The following KCNQ5 variants were observed in gnomAD, a reference collection of about 807,000 sequenced individuals.
The protein encoded by KCNQ5 is potassium voltage-gated channel subfamily Q member 5, also known as potassium voltage-gated channel subfamily KQT member 5.
KCNQ5 carries 30 observed loss-of-function variants against 98.2 expected under a neutral mutation model. The ratio of observed to expected loss-of-function variants is 0.31; its 90% CI spans 0.23 to 0.41. KCNQ5 has a LOEUF of 0.41. KCNQ5 is among the 10% of genes least tolerant of loss of function. The pLI is 1.00. For synonymous variants in KCNQ5, 458 were observed against 449.4 expected (o/e 1.02, Z -0.24); for missense variants, 835 against 1,182.5 (o/e 0.71, Z 4.31).
chr6:73,100,582 T>C (rs1451310588), intron 5 of KCNQ5, among the ~76,000 whole-genome samples: 2 of 150,864 alleles, frequency 1.3e-5, no homozygotes, highest in Non-Finnish European at 2.9e-5. Flanking sequence ...GGCAGGAGAA[T>C]GGCGTGAACC....
chr6:72,746,203 AT>A (rs938714102), intron 1 of KCNQ5, among the ~76,000 whole-genome samples: 1 of 138,076 alleles, frequency 7.2e-6, no homozygotes, highest in Non-Finnish European at 1.5e-5. Context: ...CTTTTTTGTA[AT>A]TTTTTAGCAT....
Position 72,867,337 on chromosome 6 carries a change from C to T in KCNQ5, c.399-136571C>T, listed in dbSNP as rs539599948. On this transcript the variant is annotated intron_variant, in intron 1 of 13. Coordinates refer to ENST00000370398, the MANE Select transcript of KCNQ5 (RefSeq NM_019842.4). ...GTTAGAATACTTGATACCTGAAGCT[C>T]AGAGTCTCTCTTGCCAGCCTGTTAA... Among the ~76,000 whole-genome samples, 396 of 152,320 alleles carry T rather than the reference C, an allele frequency of 2.6e-3. 1 individual carries two copies. Among genetic ancestry groups the T allele is most frequent in the African/African-American group, 9.3e-3 (387 of 41,566 alleles).
At chr6:72,624,186 A>G (rs1054061936) in intron 1 of KCNQ5, among the ~76,000 whole-genome samples, 4 of 152,228 alleles carry the variant, frequency 2.6e-5, no homozygotes, top group Non-Finnish European at 4.4e-5. Flanking sequence ...ATAATGATAG[A>G]GAAATGCAAC....
chr6:73,178,685 G>C (rs1330808873), intron 11 of KCNQ5, among the ~76,000 whole-genome samples: 1 of 151,996 alleles, frequency 6.6e-6, no homozygotes, highest in African/African-American at 2.4e-5. Flanking sequence ...ACAGATCAGT[G>C]CATCCAGGGA....
chr6:73,038,773 G>C (rs1041101778), intron 2 of KCNQ5, among the ~76,000 whole-genome samples: 4 of 151,860 alleles, frequency 2.6e-5, no homozygotes, highest in African/African-American at 9.7e-5. Flanking sequence ...TTGTGTCTAA[G>C]TTTATGATAA....
chr6:72,843,716 A>G (rs556056967), intron 1 of KCNQ5, among the ~76,000 whole-genome samples: 46 of 152,290 alleles, frequency 3.0e-4, no homozygotes, highest in Non-Finnish European at 5.3e-4. Flanking sequence ...AGGATTATAA[A>G]TCATTCTACT....
intron 10 of KCNQ5, among the ~76,000 whole-genome samples, chr6:73,164,450 A>G (rs1328569832): frequency 6.6e-6 from 1 of 152,226 alleles, no homozygotes; most frequent in Non-Finnish European, 1.5e-5. Flanking sequence ...AAACTGCACA[A>G]TCAGATGCAT....
intron 2 of KCNQ5, among the ~76,000 whole-genome samples, chr6:73,017,719 G>C (rs1770414602): frequency 6.6e-6 from 1 of 152,152 alleles, no homozygotes; most frequent in Admixed American, 6.5e-5. Context: ...ACAGAAAAGA[G>C]ACTGTGCAAG....
In KCNQ5 at chr6:73,129,866, C is replaced by A; in HGVS notation, c.1248-3555C>A. 1 of 1,607,174 alleles carries A rather than the reference C, an allele frequency of 6.2e-7. No individual in the cohort carries two copies. The highest frequency in any genetic ancestry group is 8.5e-7 in the Non-Finnish European group (1 of 1,174,974). ...GAAGCAGAGGTACCCAGCATCCGGG[C>A]TATTGACATGAGATTTGAGAATGCC... On this transcript the variant is annotated intron_variant, in intron 9 of 13. Coordinates refer to ENST00000370398, the MANE Select transcript of KCNQ5 (RefSeq NM_019842.4).
chr6:73,111,922 G>A (rs775638989), intron 7 of KCNQ5, among the ~76,000 whole-genome samples: 2 of 152,136 alleles, frequency 1.3e-5, no homozygotes, highest in African/African-American at 4.8e-5. Flanking sequence ...GAGAGCTGAT[G>A]GGACTATGGA....
At chr6:72,791,207 A>G (rs1774021170) in intron 1 of KCNQ5, among the ~76,000 whole-genome samples, 1 of 152,206 alleles carries the variant, frequency 6.6e-6, no homozygotes, top group African/African-American at 2.4e-5. Flanking sequence ...CTGAGACAGC[A>G]GCTATGCATA....
chr6:72,815,626 C>T (rs9351947), intron 1 of KCNQ5, among the ~76,000 whole-genome samples: 37,258 of 152,022 alleles, frequency 0.25, 4,835 homozygotes, highest in Admixed American at 0.36. Context: ...AATGAGGATC[C>T]GAGGAAAACC....
At position 72,622,379 on chromosome 6, in the gene KCNQ5, C is replaced by T; in HGVS notation, c.190C>T (p.Arg64Cys). 1 of 1,466,780 alleles carries T rather than the reference C, an allele frequency of 6.8e-7. No individual in the cohort carries two copies. The highest frequency in any genetic ancestry group is 9.0e-7 in the Non-Finnish European group (1 of 1,109,580). The allele number at this position is 1,466,780 out of a possible 1,614,324, so 90.9% of individuals were successfully genotyped here. ...RGDGLLLLGTRAATLGGGGGG... is the reference protein window; with the variant it reads ...RGDGLLLLGTCAATLGGGGGG... ...CGACGGCCTGCTACTGCTGGGCACC[C>T]GCGCGGCCACGCTCGGTGGCGGCGG... Residue 64 changes from arginine (R) to cysteine (C), a missense_variant, in exon 1 of 14, where the codon CGC becomes TGC. This residue lies in a region of KCNQ5 where 21 missense variants were observed against 43.9 expected (regional missense o/e 0.48). Coordinates refer to ENST00000370398, the MANE Select transcript of KCNQ5 (RefSeq NM_019842.4). This position sits in a 1 kb window ranked among gnomAD's most constrained non-coding sequence, Gnocchi z 6.0.
rs1378756169 is a variant in KCNQ5, at chr6:73,190,627, T to C, written c.1632T>C (p.Tyr544=). 1.1e-5 allele frequency: 17 copies of C among 1,582,826 alleles called. No homozygotes were observed. Among genetic ancestry groups the C allele is most frequent in the Non-Finnish European group, 1.4e-5 (16 of 1,158,344 alleles). Residue 544 remains tyrosine (Y), a synonymous_variant, in exon 12 of 14, where the codon TAT becomes TAC. Coordinates refer to ENST00000370398, the MANE Select transcript of KCNQ5 (RefSeq NM_019842.4). ...KRKFKETLRP[Y]DVKDVIEQYS... is the part of the protein sequence containing the mutation. ...AGTTTAAGGAAACATTACGTCCATATGATGTAAAAGATGTCATTGAACAAT... is the reference window on the plus strand; with the variant it reads ...AGTTTAAGGAAACATTACGTCCATACGATGTAAAAGATGTCATTGAACAAT...
intron 1 of KCNQ5, among the ~76,000 whole-genome samples, chr6:72,816,465 G>A (rs75688112): frequency 0.018 from 2,727 of 152,254 alleles, 85 homozygotes; most frequent in African/African-American, 0.062. Flanking sequence ...TTGTAAGAAC[G>A]GGGAGACTAC....
chr6:72,732,265 ACTACATATTACAGGAAC>A, intron 1 of KCNQ5, among the ~76,000 whole-genome samples: 1 of 152,202 alleles, frequency 6.6e-6, no homozygotes, highest in Admixed American at 6.5e-5. Flanking sequence ...GGTAAGAGGG[ACTACATATTACAGGAAC>A]CTGAGGAAGC....
At chr6:72,781,962 G>A (rs1412543246) in intron 1 of KCNQ5, among the ~76,000 whole-genome samples, 1 of 152,144 alleles carries the variant, frequency 6.6e-6, no homozygotes, top group Non-Finnish European at 1.5e-5. Flanking sequence ...AAATTTTAGA[G>A]CTAGCCAAAT....
intron 1 of KCNQ5, among the ~76,000 whole-genome samples, chr6:72,855,484 A>T (rs922492227): frequency 1.3e-5 from 2 of 152,206 alleles, no homozygotes; most frequent in African/African-American, 2.4e-5. Flanking sequence ...AAGTAAGTAG[A>T]TCTTAATTTT....
At chr6:73,078,249 G>A (rs1406127860) in intron 5 of KCNQ5, among the ~76,000 whole-genome samples, 4 of 151,612 alleles carry the variant, frequency 2.6e-5, no homozygotes, top group African/African-American at 7.3e-5. Context: ...TTGATTTTCC[G>A]CTCTTCAAAA....
Sources: allele counts gnomAD v4.1 joint callset (sites outside exome capture counted in the v4.1 genomes callset), GRCh38; gene constraint gnomAD v4.1.1; regional missense constraint gnomAD v4.1.1; non-coding constraint Gnocchi (gnomAD v3.1); transcripts MANE v1.5; gene names NCBI Gene and HGNC (gene_info 2026-07-23, HGNC 2026-07-21).